The following RNF150 variants were observed in gnomAD, a reference collection of about 807,000 sequenced individuals.
The protein encoded by RNF150 is ring finger protein 150.
In RNF150, 24 loss-of-function variants were observed where a neutral mutation model predicts 39.3. The observed-to-expected ratio is 0.61, with a 90% CI of 0.44 to 0.86. RNF150 has a LOEUF of 0.86. RNF150 is among the 40% of genes least tolerant of loss of function. The pLI is 0.00. For synonymous variants in RNF150, 255 were observed against 227.3 expected (o/e 1.12, Z -1.10); for missense variants, 502 against 587.8 (o/e 0.85, Z 1.51).
chr4:140,926,193 C>A (rs1310918611), intron 4 of RNF150, 120 bp from the exon 5 acceptor site: 3 of 698,468 alleles, frequency 4.3e-6, no homozygotes, highest in Non-Finnish European at 7.6e-6. Context: ...AGACTCAAAC[C>A]TCCATCCCTA....
At chr4:140,942,099 T>G (rs1732107966) in intron 4 of RNF150, among the ~76,000 whole-genome samples, 1 of 152,216 alleles carries the variant, frequency 6.6e-6, no homozygotes, top group Admixed American at 6.5e-5. Context: ...CAAATGTACT[T>G]AATGTCACTG....
intron 1 of RNF150, among the ~76,000 whole-genome samples, chr4:141,049,770 T>C (rs1736709360): frequency 1.3e-5 from 2 of 148,790 alleles, no homozygotes; most frequent in South Asian, 4.2e-4. Context: ...TTTTAAATTA[T>C]GTGATGCTTA....
At chr4:141,012,910 T>C (rs1735128676) in intron 1 of RNF150, among the ~76,000 whole-genome samples, 7 of 152,026 alleles carry the variant, frequency 4.6e-5, no homozygotes, top group Admixed American at 4.6e-4. Context: ...TGAGTGCCTG[T>C]GAAGTGGCAG....
chr4:141,184,651 C>T (rs981725289), intron 1 of RNF150, among the ~76,000 whole-genome samples: 1 of 152,092 alleles, frequency 6.6e-6, no homozygotes, highest in African/African-American at 2.4e-5. Context: ...ATGTTGAAAT[C>T]TTTAATCTAT....
chr4:141,195,281 G>T (rs1374142674), intron 1 of RNF150, among the ~76,000 whole-genome samples: 1 of 152,142 alleles, frequency 6.6e-6, no homozygotes, highest in Non-Finnish European at 1.5e-5. Flanking sequence ...CTAGGATTAT[G>T]TAAAAAGCCC....
chr4:141,140,072 C>T (rs907572594), intron 1 of RNF150, among the ~76,000 whole-genome samples: 10 of 152,116 alleles, frequency 6.6e-5, no homozygotes, highest in African/African-American at 1.7e-4. Context: ...ACTTGCTGTA[C>T]GGGCAAGGTA....
At chr4:140,880,502 T>A (rs1479791735) in intron 6 of RNF150, among the ~76,000 whole-genome samples, 1 of 151,980 alleles carries the variant, frequency 6.6e-6, no homozygotes, top group Admixed American at 6.5e-5. Context: ...ATTATGGTAA[T>A]ACAGGCCTCA....
At chr4:141,162,534 A>G (rs781364769) in intron 1 of RNF150, among the ~76,000 whole-genome samples, 1 of 152,116 alleles carries the variant, frequency 6.6e-6, no homozygotes, top group Non-Finnish European at 1.5e-5. Flanking sequence ...GAATAGGAAC[A>G]GCTCCTGTCT....
At chr4:140,901,356 G>C (rs1339456155) in intron 6 of RNF150, among the ~76,000 whole-genome samples, 1 of 152,114 alleles carries the variant, frequency 6.6e-6, no homozygotes, top group Non-Finnish European at 1.5e-5. Flanking sequence ...CTCTCCTCTT[G>C]TGATGGGGGA....
intron 1 of RNF150, among the ~76,000 whole-genome samples, chr4:141,047,804 A>AT (rs893876671): frequency 3.3e-5 from 5 of 152,196 alleles, no homozygotes; most frequent in Admixed American, 3.3e-4. Context: ...TTATATATAT[A>AT]TTTTTTAAAT....
intron 1 of RNF150, among the ~76,000 whole-genome samples, chr4:141,018,905 T>C (rs1310718392): frequency 2.6e-5 from 4 of 151,882 alleles, no homozygotes; most frequent in Non-Finnish European, 1.5e-5. Flanking sequence ...GATCAGTAAA[T>C]TCACTGAAAT....
chr4:140,911,026 AC>A, intron 6 of RNF150, 117 bp downstream of exon 6: 1 of 797,924 alleles, frequency 1.3e-6, no homozygotes, highest in Non-Finnish European at 2.0e-6. Flanking sequence ...TAACTGATGA[AC>A]CTAGCAATGA....
chr4:140,973,924 T>C (rs2111439786), intron 1 of RNF150, among the ~76,000 whole-genome samples: 1 of 143,478 alleles, frequency 7.0e-6, no homozygotes, highest in East Asian at 2.0e-4. Context: ...TACACGGAGG[T>C]CCTATGAACC....
chr4:141,036,525 C>A (rs999290562), intron 1 of RNF150, among the ~76,000 whole-genome samples: 1 of 152,086 alleles, frequency 6.6e-6, no homozygotes, highest in South Asian at 2.1e-4. Context: ...ACTCACGGAA[C>A]GACTCCACAT....
intron 1 of RNF150, among the ~76,000 whole-genome samples, chr4:140,987,752 G>T (rs9994743): frequency 6.6e-6 from 1 of 151,946 alleles, no homozygotes; most frequent in African/African-American, 2.4e-5. Context: ...CAAAAAAATT[G>T]ACAAGTGGGA....
chr4:141,059,840 TAA>T (rs1167168177), intron 1 of RNF150, among the ~76,000 whole-genome samples: 1 of 152,076 alleles, frequency 6.6e-6, no homozygotes, highest in African/African-American at 2.4e-5. Context: ...CTCAGCCATT[TAA>T]AAAAAGTTTT....
At chr4:141,005,575 G>A (rs1578622874) in intron 1 of RNF150, among the ~76,000 whole-genome samples, 1 of 152,140 alleles carries the variant, frequency 6.6e-6, no homozygotes, top group South Asian at 2.1e-4. Flanking sequence ...CCTTAAGGTG[G>A]TATGAGGGTC....
intron 1 of RNF150, among the ~76,000 whole-genome samples, chr4:141,072,307 A>T (rs754173912): frequency 2.0e-5 from 3 of 152,220 alleles, no homozygotes; most frequent in Non-Finnish European, 2.9e-5. Flanking sequence ...TGAAAAACAG[A>T]AACTGCATTA....
chr4:140,904,642 T>C (rs1730310676), intron 6 of RNF150, among the ~76,000 whole-genome samples: 1 of 152,236 alleles, frequency 6.6e-6, no homozygotes. Flanking sequence ...ACCTGGACAT[T>C]GCTGTTTTGC....
Sources: gnomAD v4.1 joint callset for allele counts (sites outside exome capture counted in the v4.1 genomes callset) on GRCh38, gnomAD v4.1.1 for gene constraint, MANE v1.5 for transcripts, NCBI Gene and HGNC (gene_info 2026-07-23, HGNC 2026-07-21) for gene names.